MARS1: variants seen among roughly 807,000 people sequenced by gnomAD.
MARS1 encodes methionine--tRNA ligase, cytoplasmic.
In MARS1, 80 loss-of-function variants were observed where a neutral mutation model predicts 119.5. The observed-to-expected ratio is 0.67, with a 90% confidence interval of 0.56 to 0.81. The LOEUF is 0.81. Among genes scored for constraint, MARS1 ranks in the 30% least tolerant of loss-of-function variants. The pLI is 0.00. For missense variants in MARS1, 945 were observed against 1,116.5 expected (o/e 0.85, Z 2.19); for synonymous variants, 418 against 433.4 (o/e 0.96, Z 0.44).
rs143007366 is a variant in MARS1, at chr12:57,511,776, C to T, written c.1447C>T (p.Arg483Cys). The T allele has an allele frequency of 1.1e-4, 179 of 1,614,198 alleles. No individual in the cohort carries two copies. The African/African-American group carries it at 2.1e-3, about 19-fold the overall frequency. ...GACACCCAATGCCCAGTTTATCACC[C>T]GTTCTTGGCTTCGGGATGGCCTCAA... ...DWTPNAQFITRSWLRDGLKPR... is the reference protein window; with the variant it reads ...DWTPNAQFITCSWLRDGLKPR... Residue 483 changes from arginine to cysteine, a missense_variant, in exon 12 of 21, where the codon CGT becomes TGT. Coordinates refer to ENST00000262027, the MANE Select transcript of MARS1 (RefSeq NM_004990.4).
At position 57,515,947 on chromosome 12, in the gene MARS1, A is replaced by G. The variant is rs1324228358; in HGVS notation, c.2419A>G (p.Asn807Asp). 6.2e-7 allele frequency: 1 copy of G among 1,614,124 alleles called. No individual in the cohort carries two copies. The highest frequency in any genetic ancestry group is 8.5e-7 in the Non-Finnish European group (1 of 1,180,000). Residue 807 changes from asparagine to aspartate, a missense_variant, in exon 19 of 21, where the codon AAT becomes GAT. Coordinates refer to ENST00000262027, the MANE Select transcript of MARS1 (RefSeq NM_004990.4). ...CAGTCCCTTGTTCCAAAAATTGGAA[A>G]ATGACCAGATTGAAAGTTTAAGGCA... Reference protein sequence around the residue: ...TVSPLFQKLENDQIESLRQRF... With the variant: ...TVSPLFQKLEDDQIESLRQRF...
At chr12:57,495,224 C>T (rs867239092) in intron 7 of MARS1, among the ~76,000 whole-genome samples, 2 of 151,272 alleles carry the variant, frequency 1.3e-5, no homozygotes, top group African/African-American at 2.4e-5. Context: ...CGCTGCCCCC[C>T]ACCTTCCTCC....
chr12:57,490,633 G>A lies in MARS1; in HGVS notation c.759G>A (p.Gln253=). ...AAAGTTTGCCCCCGCTGCGGCCCCA[G>A]CAGAATCCAGTGTGAGTAGACATGG... ...GLESLPPLRP[Q]QNPVLPVAGE... is the part of the protein sequence containing the mutation. The change falls in exon 7 of 21, where the codon CAG becomes CAA. Residue 253 remains glutamine (Q), a synonymous_variant. Transcript: ENST00000262027. 1 of 1,614,048 alleles carries A rather than the reference G, an allele frequency of 6.2e-7. No homozygotes were observed. The highest frequency in any genetic ancestry group is 8.5e-7 in the Non-Finnish European group (1 of 1,180,002).
intron 2 of MARS1, 77 bp downstream of exon 2, chr12:57,489,186 A>T (rs1875723841): frequency 1.3e-5 from 20 of 1,599,258 alleles, no homozygotes; most frequent in Non-Finnish European, 1.7e-5. Flanking sequence ...CTTTATTTGC[A>T]GCCATTGTTT....
chr12:57,500,317 C>A lies in MARS1; in HGVS notation c.1092-4C>A. 1 of 1,613,938 alleles carries A rather than the reference C, an allele frequency of 6.2e-7. No individual in the cohort carries two copies. Among genetic ancestry groups the A allele is most frequent in the Non-Finnish European group, 8.5e-7 (1 of 1,179,848 alleles). On this transcript the variant is annotated splice_region_variant and splice_polypyrimidine_tract_variant and intron_variant, in intron 9 of 20. Transcript: ENST00000262027. ...TCTTCCTGATCCCTGGCCCACCTCA[C>A]CAGAATCACCCAGGACATTTTCCAG...
At position 57,490,645 on chromosome 12, in the gene MARS1, G is replaced by A. The variant is rs1875867856; in HGVS notation, c.770+1G>A. 2 of 1,613,852 alleles carry A rather than the reference G, an allele frequency of 1.2e-6. No individual in the cohort carries two copies. On this transcript the variant is annotated splice_donor_variant, in intron 7 of 20. Transcript: ENST00000262027. LOFTEE classifies it high-confidence loss of function. Reference sequence around the variant, plus strand: ...CGCTGCGGCCCCAGCAGAATCCAGTGTGAGTAGACATGGCACATGTGAGTG... The same window carrying A: ...CGCTGCGGCCCCAGCAGAATCCAGTATGAGTAGACATGGCACATGTGAGTG...
chr12:57,507,800 G>T (rs1877286187), intron 11 of MARS1, among the ~76,000 whole-genome samples: 2 of 147,766 alleles, frequency 1.4e-5, no homozygotes, highest in African/African-American at 5.0e-5. Context: ...CCGGGCGGAG[G>T]CTGACCCCCA....
chr12:57,490,003 G>T, intron 5 of MARS1, 32 bp downstream of exon 5: 1 of 1,600,102 alleles, frequency 6.2e-7, no homozygotes, highest in South Asian at 1.1e-5. Flanking sequence ...CCAACCCTAG[G>T]AGCTTGGTGT....
Position 57,512,164 on chromosome 12 carries a change from G to C in MARS1, c.1635+61G>C, listed in dbSNP as rs531222344. On this transcript the variant is annotated intron_variant, in intron 13 of 20. Transcript: ENST00000262027. ...GTAGGCGGTAGGGTGTGGGTGTTAG[G>C]GTTGGGTGTCTGGTCTTCCTTGGGC... The C allele has an allele frequency of 6.3e-4, 1,013 of 1,600,696 alleles. 9 individuals carry two copies. The South Asian group carries it at 0.011, about 17-fold the overall frequency.
intron 7 of MARS1, among the ~76,000 whole-genome samples, chr12:57,492,363 T>C (rs185687495): frequency 1.3e-5 from 2 of 150,932 alleles, no homozygotes; most frequent in East Asian, 3.9e-4. Context: ...GAGGCCTCTC[T>C]AAAACATTGA....
Position 57,515,017 on chromosome 12 carries a change from G to C in MARS1, c.2163G>C (p.Val721=), listed in dbSNP as rs762587995. The C allele has an allele frequency of 6.8e-5, 109 of 1,614,072 alleles. No homozygotes were observed. The highest frequency in any genetic ancestry group is 8.1e-5 in the Non-Finnish European group (95 of 1,180,046). ...ISRHGNQYIQ[V]NEPWKRIKGS... ...GACATGGCAACCAATATATTCAGGT[G>C]AATGAGCCCTGGAAGCGGATTAAAG... Residue 721 remains valine (V), a synonymous_variant, in exon 17 of 21, where the codon GTG becomes GTC. Transcript: ENST00000262027.
chr12:57,490,073 G>T, intron 5 of MARS1, 102 bp downstream of exon 5: 1 of 1,441,634 alleles, frequency 6.9e-7, no homozygotes, highest in African/African-American at 1.4e-5. Context: ...AGCTTGACTG[G>T]GCAACTATAG....
At chr12:57,512,413 C>A in intron 14 of MARS1, 60 bp downstream of exon 14, 1 of 1,217,620 alleles carries the variant, frequency 8.2e-7, no homozygotes. Flanking sequence ...TGAGGCAGTA[C>A]TTGGAAAAAG....
At position 57,512,776 on chromosome 12, in the gene MARS1, A is replaced by G. The variant is rs1565650952; in HGVS notation, c.1779A>G (p.Lys593=). The change falls in exon 15 of 21, where the codon AAA becomes AAG. Residue 593 remains lysine (K), a synonymous_variant. Transcript: ENST00000262027. ...AGTACCTGAACTATGAGGATGGGAA[A>G]TTCTCTAAGAGCCGCGGTGTGGGAG... The part of the protein sequence containing the change: ...ATEYLNYEDG[K]FSKSRGVGVF... The G allele has an allele frequency of 6.2e-7, 1 of 1,614,130 alleles. No individual in the cohort carries two copies. The highest frequency in any genetic ancestry group is 1.3e-5 in the African/African-American group (1 of 75,050).
chr12:57,495,670 A>G (rs991738417), intron 7 of MARS1, among the ~76,000 whole-genome samples: 4 of 152,190 alleles, frequency 2.6e-5, no homozygotes, highest in Non-Finnish European at 5.9e-5. Flanking sequence ...TGGAGGTTGT[A>G]GCGAGCCGAG....
intron 1 of MARS1, 49 bp downstream of exon 1, chr12:57,488,248 A>G: frequency 6.5e-7 from 1 of 1,542,568 alleles, no homozygotes; most frequent in Non-Finnish European, 8.9e-7. Context: ...CGGGACCGAA[A>G]CACGCCAGAT....
chr12:57,488,466 C>A, intron 1 of MARS1: 1 of 1,189,222 alleles, frequency 8.4e-7, no homozygotes, highest in Non-Finnish European at 1.2e-6. Flanking sequence ...GTAAACTGCT[C>A]TTCCCTTCCC....
rs184145340 is a variant in MARS1, at chr12:57,501,150, A to G, written c.1293+628A>G. On this transcript the variant is annotated intron_variant, in intron 10 of 20. Transcript: ENST00000262027. ...GCAATAAGAGGTTAAGAATGTTCTA[A>G]GCGGAAGGACTAGGAAATGCAAAGG... Among the ~76,000 whole-genome samples, 62 of 152,342 alleles carry G rather than the reference A, an allele frequency of 4.1e-4. 1 individual carries two copies. The highest frequency in any genetic ancestry group is 1.4e-3 in the African/African-American group (59 of 41,578).
Position 57,498,215 on chromosome 12 carries a change from A to C in MARS1, c.829A>C (p.Asn277His), listed in dbSNP as rs1377941864. ...CACCAGTGCCCTCCCTTACGTCAAC[A>C]ATGTCCCCCACCTTGGGAACATCAT... ...LITSALPYVN[N>H]VPHLGNIIGC... Residue 277 changes from asparagine (N) to histidine (H), a missense_variant, in exon 8 of 21, where the codon AAT becomes CAT. Physicochemically the swap from Asn to His is moderately conservative, Grantham distance 68. Transcript: ENST00000262027. 1 of 1,614,174 alleles carries C rather than the reference A, an allele frequency of 6.2e-7. No homozygotes were observed. The highest frequency in any genetic ancestry group is 2.2e-5 in the East Asian group (1 of 44,890).
Sources: gnomAD v4.1 joint callset for allele counts (sites outside exome capture counted in the v4.1 genomes callset) on GRCh38, gnomAD v4.1.1 for gene constraint, MANE v1.5 for transcripts, NCBI Gene and HGNC (gene_info 2026-07-23, HGNC 2026-07-21) for gene names.